Variants in CLASP1 observed in about 807,000 individuals in gnomAD.
CLASP1 encodes cytoplasmic linker associated protein 1.
In CLASP1, 38 loss-of-function variants were observed where a neutral mutation model predicts 192.3. That is an observed-to-expected ratio of 0.20 (90% CI 0.15 to 0.26). The LOEUF (loss-of-function observed/expected upper bound fraction) is 0.26. Ranked by LOEUF, CLASP1 falls within the 10% of genes least tolerant of loss-of-function variation. The pLI, the probability that CLASP1 is intolerant of heterozygous loss-of-function variation, is 1.00. For synonymous variants in CLASP1, 691 were observed against 712.8 expected, an observed-to-expected ratio of 0.97 and a Z score of 0.49; for missense variants, 1,433 against 1,932.5, an observed-to-expected ratio of 0.74 and a Z score of 4.85.
At chr2:121,599,916 C>CA (rs749861641) in intron 2 of CLASP1, among the ~76,000 whole-genome samples, 1,188 of 78,074 alleles carry the variant, frequency 0.015, 13 homozygotes, top group Middle Eastern at 0.075. Context: ...GAGACTCTGT[C>CA]AAAAAAAAAA....
intron 34 of CLASP1, among the ~76,000 whole-genome samples, chr2:121,374,469 T>A (rs934024183): frequency 6.6e-6 from 1 of 152,208 alleles, no homozygotes; most frequent in Admixed American, 6.5e-5. Flanking sequence ...GGGCACTGCC[T>A]AGCAGAGCAG....
At chr2:121,381,613 C>T (rs1186702735) in intron 33 of CLASP1, among the ~76,000 whole-genome samples, 1 of 152,152 alleles carries the variant, frequency 6.6e-6, no homozygotes, top group Non-Finnish European at 1.5e-5. Context: ...TGTGGGGGTG[C>T]GTGAAGGGAC....
chr2:121,469,720 T>G (rs2090324053), intron 9 of CLASP1, 88 bp downstream of exon 9: 1 of 1,358,724 alleles, frequency 7.4e-7, no homozygotes, highest in East Asian at 2.4e-5. Flanking sequence ...GTATCACTTC[T>G]GAGGGCCACC....
chr2:121,574,693 C>A (rs1166225828), intron 2 of CLASP1, among the ~76,000 whole-genome samples: 2 of 148,840 alleles, frequency 1.3e-5, no homozygotes, highest in Non-Finnish European at 3.0e-5. Context: ...AATCCCAGCA[C>A]TTTGGGAGGC....
chr2:121,591,447 A>G (rs950658458), intron 2 of CLASP1, among the ~76,000 whole-genome samples: 2 of 152,084 alleles, frequency 1.3e-5, no homozygotes, highest in African/African-American at 4.8e-5. Flanking sequence ...TCATCAGACA[A>G]TCTTCAGCAC....
intron 2 of CLASP1, among the ~76,000 whole-genome samples, chr2:121,587,592 G>A (rs1418210814): frequency 1.3e-5 from 2 of 152,184 alleles, no homozygotes; most frequent in Admixed American, 1.3e-4. Context: ...CACTTTGGGA[G>A]GCTGAAGCAG....
At chr2:121,467,528 T>C (rs990789314) in intron 9 of CLASP1, among the ~76,000 whole-genome samples, 5 of 152,340 alleles carry the variant, frequency 3.3e-5, no homozygotes, top group Admixed American at 6.5e-5. Flanking sequence ...TGGTATCTCA[T>C]TGTGATTTGC....
intron 30 of CLASP1, among the ~76,000 whole-genome samples, chr2:121,394,294 G>T (rs894294342): frequency 6.6e-6 from 1 of 152,202 alleles, no homozygotes. Flanking sequence ...CCCTTAAAAG[G>T]CATCAGAGAG....
At chr2:121,519,903 C>G (rs1196565318) in intron 6 of CLASP1, among the ~76,000 whole-genome samples, 1 of 152,210 alleles carries the variant, frequency 6.6e-6, no homozygotes, top group East Asian at 1.9e-4. Context: ...CACTTCTACA[C>G]AGGCTCTCAC....
Position 121,378,995 on chromosome 2 carries a change from A to G in CLASP1, c.3492-1346T>C, listed in dbSNP as rs558308065. Among the ~76,000 whole-genome samples the G allele has an allele frequency of 1.3e-5, 2 of 151,184 alleles. 1 individual carries two copies. The highest frequency in any genetic ancestry group is 1.3e-4 in the Admixed American group (2 of 15,190). On this transcript the variant is annotated intron_variant, in intron 33 of 39. Transcript: ENST00000263710. ...AAAAAAAAAAAAAAAAAGTTGGGGC[A>G]GATGAGCAAGGTAAGATTTGGAGAG...
exon 39 of CLASP1, chr2:121,347,049 T>C: frequency 6.4e-7 from 1 of 1,557,558 alleles, no homozygotes; most frequent in Non-Finnish European, 8.7e-7. Flanking sequence ...TTGCTCCCTG[T>C]GAGCTGTGCA....
chr2:121,444,874 A>T, intron 19 of CLASP1: 1 of 1,124,838 alleles, frequency 8.9e-7, no homozygotes, highest in Non-Finnish European at 1.2e-6. Flanking sequence ...ACTGGGCAAC[A>T]CTCGGTGAGA....
chr2:121,521,775 G>A (rs2094462813), intron 6 of CLASP1, among the ~76,000 whole-genome samples: 1 of 152,166 alleles, frequency 6.6e-6, no homozygotes, highest in Non-Finnish European at 1.5e-5. Context: ...CTGGCTTTAG[G>A]GAAATGAAGA....
chr2:121,642,896 A>G (rs1467757096), intron 1 of CLASP1, among the ~76,000 whole-genome samples: 1 of 152,262 alleles, frequency 6.6e-6, no homozygotes, highest in African/African-American at 2.4e-5. Flanking sequence ...ACAGTCTCAA[A>G]GAGTGATATA....
At position 121,431,467 on chromosome 2, in the gene CLASP1, T is replaced by C. The variant is rs1262010172; in HGVS notation, c.1913-1290A>G. ...ACTGGTCTAGATACCTGTGCCTGGC[T>C]GACTGGGAAGCCTATGAGTGATGAC... is the stretch of plus-strand genomic sequence containing the variant. On this transcript the variant is annotated intron_variant, in intron 19 of 39. Transcript: ENST00000263710. Among the ~76,000 whole-genome samples, 3 of 152,192 alleles carry C rather than the reference T, an allele frequency of 2.0e-5. No homozygotes were observed. The South Asian group carries it at 6.2e-4, about 31-fold the overall frequency.
intron 28 of CLASP1, among the ~76,000 whole-genome samples, chr2:121,398,933 C>G (rs565016325): frequency 6.6e-6 from 1 of 152,330 alleles, no homozygotes; most frequent in Admixed American, 6.5e-5. Flanking sequence ...ACACAGAAGC[C>G]TGGGGTCCCA....
At chr2:121,530,209 G>T (rs1411019857) in intron 3 of CLASP1, 38 bp downstream of exon 3, 21 of 1,528,614 alleles carry the variant, frequency 1.4e-5, no homozygotes, top group Non-Finnish European at 1.8e-5. Flanking sequence ...CTGGGGGTCT[G>T]AAGGGGCCGG....
chr2:121,400,724 C>T (rs1275629052), intron 28 of CLASP1, among the ~76,000 whole-genome samples: 3 of 152,214 alleles, frequency 2.0e-5, no homozygotes, highest in African/African-American at 7.2e-5. Flanking sequence ...TCTATGATAA[C>T]TAGAATTATT....
At chr2:121,478,941 A>C (rs1264024005) in intron 8 of CLASP1, among the ~76,000 whole-genome samples, 25 of 16,516 alleles carry the variant, frequency 1.5e-3, no homozygotes, top group East Asian at 3.2e-3. Context: ...AACACCCCCC[A>C]CACACACACC....
Sources: allele counts gnomAD v4.1 joint callset (sites outside exome capture counted in the v4.1 genomes callset), GRCh38; gene constraint gnomAD v4.1.1; transcripts MANE v1.5; gene names NCBI Gene and HGNC (gene_info 2026-07-23, HGNC 2026-07-21).